Variants in WNK2 observed in about 807,000 individuals in gnomAD.
WNK2 encodes the protein WNK lysine deficient protein kinase 2, also known as serine/threonine-protein kinase WNK2.
A neutral mutation model predicts 192.1 loss-of-function variants in WNK2; 67 were observed. The observed-to-expected ratio is 0.35, with a 90% CI of 0.29 to 0.43. WNK2 has a LOEUF of 0.43. WNK2 is among the 20% of genes least tolerant of loss of function. The pLI is 1.00. For synonymous variants in WNK2, 1,439 were observed against 1,393.9 expected (o/e 1.03, Z -0.72); for missense variants, 2,698 against 3,089.7 (o/e 0.87, Z 3.01).
chr9:93,284,462 AAAAC>A (rs553937313), intron 19 of WNK2, among the ~76,000 whole-genome samples: 113 of 152,370 alleles, frequency 7.4e-4, no homozygotes, highest in African/African-American at 2.3e-3. Context: ...GTTTTTACAA[AAAAC>A]AAACAAAACA....
chr9:93,242,279 C>T (rs1840902405), intron 7 of WNK2, among the ~76,000 whole-genome samples: 1 of 152,210 alleles, frequency 6.6e-6, no homozygotes, highest in African/African-American at 2.4e-5. Context: ...TGTGTCCCCA[C>T]CTGGCCCATT....
intron 19 of WNK2, among the ~76,000 whole-genome samples, chr9:93,274,524 A>G (rs10992695): frequency 0.59 from 73,634 of 124,036 alleles, 18,369 homozygotes; most frequent in East Asian, 0.76. Flanking sequence ...CCAAAAAAAA[A>G]AAAAAAAAAA....
At chr9:93,290,450 C>T (rs1849169485) in intron 21 of WNK2, among the ~76,000 whole-genome samples, 1 of 151,950 alleles carries the variant, frequency 6.6e-6, no homozygotes, top group South Asian at 2.1e-4. Context: ...GACTGGATGC[C>T]CCTGACTTAA....
chr9:93,319,291 G>A, intron 29 of WNK2: 1 of 1,474,118 alleles, frequency 6.8e-7, no homozygotes, highest in Non-Finnish European at 9.0e-7. Context: ...CAGGAGTTGG[G>A]AGCCAGTTCT....
rs1282959317 is a variant in WNK2, at chr9:93,262,656, G to T, written c.3361-14G>T. 6.2e-7 allele frequency: 1 copy of T among 1,612,540 alleles called. No homozygotes were observed. ...CGCATGACCTGTTCTCTTTTCTCCGGGTGTTTATTTCAGGAGCAGGCCTCA... is the reference window on the plus strand; with the variant it reads ...CGCATGACCTGTTCTCTTTTCTCCGTGTGTTTATTTCAGGAGCAGGCCTCA... On this transcript the variant is annotated splice_polypyrimidine_tract_variant and intron_variant, in intron 13 of 29. Transcript: ENST00000427277.
intron 2 of WNK2, among the ~76,000 whole-genome samples, chr9:93,208,866 A>G (rs1258614806): frequency 4.7e-5 from 5 of 106,090 alleles, no homozygotes. Context: ...CCGTGTGTAC[A>G]GGTTCTGTGA....
chr9:93,207,891 G>A (rs761723781), intron 2 of WNK2, among the ~76,000 whole-genome samples: 2 of 152,224 alleles, frequency 1.3e-5, no homozygotes, highest in Non-Finnish European at 2.9e-5. Flanking sequence ...CACCGTTCTC[G>A]TTCACAGTTC....
At chr9:93,243,096 G>A (rs1279041242) in intron 7 of WNK2, among the ~76,000 whole-genome samples, 1 of 152,082 alleles carries the variant, frequency 6.6e-6, no homozygotes, top group Non-Finnish European at 1.5e-5. Flanking sequence ...GCCTGGGGAG[G>A]GCCCCAGGAT....
chr9:93,262,794 T>C (rs1275599699), intron 14 of WNK2, 75 bp downstream of exon 14: 1 of 1,519,348 alleles, frequency 6.6e-7, no homozygotes, highest in Admixed American at 1.7e-5. Context: ...GCCTGGCTCC[T>C]GCTGCTGCTT....
chr9:93,204,554 G>A (rs1833038373), intron 2 of WNK2, among the ~76,000 whole-genome samples: 1 of 152,240 alleles, frequency 6.6e-6, no homozygotes, highest in South Asian at 2.1e-4. Flanking sequence ...TGCCTGGCAT[G>A]GGGGATGCTG....
chr9:93,202,325 C>CATGT (rs1554679105), intron 2 of WNK2, among the ~76,000 whole-genome samples: 4 of 130,650 alleles, frequency 3.1e-5, no homozygotes, highest in African/African-American at 8.2e-5. Context: ...TCCGTGTGCA[C>CATGT]GTGTGTGTGT....
intron 2 of WNK2, among the ~76,000 whole-genome samples, chr9:93,201,290 A>G (rs1832306814): frequency 6.6e-6 from 1 of 152,244 alleles, no homozygotes; most frequent in Admixed American, 6.5e-5. Flanking sequence ...TGTTCCGAGC[A>G]AGGCTGCCCA....
At chr9:93,268,993 T>C (rs892310688) in intron 19 of WNK2, 57 of 1,516,122 alleles carry the variant, frequency 3.8e-5, no homozygotes, top group Middle Eastern at 3.4e-4. Context: ...GTGGCTCGCA[T>C]GGCCATATAG....
rs754297681 is a variant in WNK2 at position 93,261,871 on chromosome 9, G to A, written c.3124G>A (p.Val1042Met). 17 of 1,600,826 alleles carry A rather than the reference G, an allele frequency of 1.1e-5. No individual in the cohort carries two copies. Among genetic ancestry groups the A allele is most frequent in the Admixed American group, 1.7e-5 (1 of 59,966 alleles). The change falls in exon 13 of 30, where the codon GTG becomes ATG. Residue 1042 changes from valine to methionine, a missense_variant. Coordinates refer to ENST00000427277, the MANE Select transcript of WNK2 (RefSeq NM_006648.4). ...AVDVAAQVPT[V>M]PVPPAAVLSP... ...GGACGTCGCCGCTCAGGTCCCCACC[G>A]TGCCTGTGCCACCGGCTGCGGTCCT...
chr9:93,254,991 G>A (rs1261965374), intron 9 of WNK2, among the ~76,000 whole-genome samples: 2 of 152,094 alleles, frequency 1.3e-5, no homozygotes, highest in Non-Finnish European at 2.9e-5. Context: ...GGCTCCCACT[G>A]GGCCAAGTCC....
In WNK2 at chr9:93,229,854, A is replaced by G; in HGVS notation, c.840A>G (p.Ser280=). ...CIVLVTELMT[S]GTLKTYLKRF... ...TGCTGGTGACGGAGCTGATGACCTC[A>G]GGGACGCTGAAGACGTAAGCTCCGC... is the stretch of plus-strand genomic sequence containing the variant. Residue 280 remains serine (S), a synonymous_variant, in exon 3 of 30, where the codon TCA becomes TCG. Transcript: ENST00000427277. This position sits in a 1 kb window ranked among gnomAD's most constrained non-coding sequence, Gnocchi z 4.9. The G allele has an allele frequency of 4.3e-6, 7 of 1,613,688 alleles. No homozygotes were observed. Among genetic ancestry groups the G allele is most frequent in the Non-Finnish European group, 5.9e-6 (7 of 1,179,774 alleles).
At chr9:93,194,963 A>G (rs1830974548) in intron 2 of WNK2, among the ~76,000 whole-genome samples, 1 of 152,114 alleles carries the variant, frequency 6.6e-6, no homozygotes, top group Non-Finnish European at 1.5e-5. Context: ...AGAAGGCTGC[A>G]TATTGTATGA....
At chr9:93,314,708 G>A (rs1854301155) in intron 28 of WNK2, among the ~76,000 whole-genome samples, 1 of 152,114 alleles carries the variant, frequency 6.6e-6, no homozygotes, top group Non-Finnish European at 1.5e-5. Flanking sequence ...CAAAAAATGG[G>A]TGCCCTTTAC....
intron 4 of WNK2, among the ~76,000 whole-genome samples, chr9:93,231,573 C>G (rs1384668612): frequency 6.6e-6 from 1 of 152,224 alleles, no homozygotes; most frequent in East Asian, 1.9e-4. Flanking sequence ...GACGCTGGAG[C>G]TCCCAGTGTC....
Sources: gnomAD v4.1 joint callset for allele counts (sites outside exome capture counted in the v4.1 genomes callset) on GRCh38, gnomAD v4.1.1 for gene constraint, Gnocchi (gnomAD v3.1) non-coding constraint, MANE v1.5 for transcripts, NCBI Gene and HGNC (gene_info 2026-07-23, HGNC 2026-07-21) for gene names.